Variants in GPRC5D observed in about 807,000 individuals in gnomAD.
GPRC5D encodes G protein-coupled receptor family C group 5 member D.
GPRC5D carries 20 observed loss-of-function variants against 29.3 expected under a neutral mutation model. The ratio of observed to expected loss-of-function variants is 0.68; its 90% CI spans 0.48 to 0.99. GPRC5D has a LOEUF of 0.99. Ranked by LOEUF, GPRC5D falls within the 50% of genes least tolerant of loss-of-function variation. GPRC5D has a pLI of 0.00. For synonymous variants in GPRC5D, 178 were observed against 171.3 expected, an observed-to-expected ratio of 1.04 and a Z score of -0.30; for missense variants, 384 against 423.6, an observed-to-expected ratio of 0.91 and a Z score of 0.82.
intron 2 of GPRC5D, among the ~76,000 whole-genome samples, chr12:12,942,033 A>AT (rs1157509744): frequency 6.6e-6 from 1 of 152,184 alleles, no homozygotes; most frequent in Admixed American, 6.5e-5. Context: ...TCAGAATGCT[A>AT]TATTGTTGAT....
exon 1 of GPRC5D, chr12:12,950,091 A>T: frequency 6.2e-7 from 1 of 1,614,132 alleles, no homozygotes; most frequent in Non-Finnish European, 8.5e-7. Flanking sequence ...GAGCAAAGAG[A>T]ACCCCAAAGA....
intron 1 of GPRC5D, among the ~76,000 whole-genome samples, chr12:12,944,879 TTC>T (rs780974472): frequency 1.6e-5 from 2 of 125,854 alleles, no homozygotes; most frequent in East Asian, 4.7e-4. Context: ...CTTTCTTTCT[TTC>T]TTTCTTTCTT....
At chr12:12,951,429 A>G (rs1863493858), upstream of GPRC5D, among the ~76,000 whole-genome samples, 1 of 152,232 alleles carries the variant, frequency 6.6e-6, no homozygotes, top group Non-Finnish European at 1.5e-5. Context: ...AAATGCCATC[A>G]CACATATTAC....
chr12:12,949,956 A>G, exon 1 of GPRC5D: 2 of 1,613,992 alleles, frequency 1.2e-6, no homozygotes, highest in Non-Finnish European at 1.7e-6. Flanking sequence ...ACTCAGTGGC[A>G]ATAATGATTT....
chr12:12,948,556 GAAATA>G (rs374620250), intron 1 of GPRC5D: 73 of 154,412 alleles, frequency 4.7e-4, no homozygotes, highest in African/African-American at 1.3e-3. Flanking sequence ...TTACATATTA[GAAATA>G]AAATGTGAGA....
chr12:12,946,788 T>A (rs1863360640), intron 1 of GPRC5D, among the ~76,000 whole-genome samples: 1 of 152,104 alleles, frequency 6.6e-6, no homozygotes, highest in Non-Finnish European at 1.5e-5. Flanking sequence ...GGATCCCTTG[T>A]CCTACTCTCC....
At chr12:12,949,912 A>G in exon 1 of GPRC5D, 1 of 1,614,020 alleles carries the variant, frequency 6.2e-7, no homozygotes, top group Non-Finnish European at 8.5e-7. Flanking sequence ...CATATTCACA[A>G]ACATCATACC....
intron 1 of GPRC5D, among the ~76,000 whole-genome samples, chr12:12,944,979 CTCTCTCTCTCTT>C (rs1225097776): frequency 4.8e-5 from 7 of 145,120 alleles, no homozygotes; most frequent in Non-Finnish European, 7.5e-5. Context: ...TTTTCTTTTT[CTCTCTCTCTCTT>C]TCTCTCTCTC....
rs368934325 is a variant in GPRC5D at position 12,942,197 on chromosome 12, G to A, written c.963+64C>T. ...TAAAGCCATTAGAAATGAAGCCTGA[G>A]GCTGTCCTAAGGAAGGAATGCTTGC... On this transcript the variant is annotated intron_variant, in intron 2 of 2. Transcript: ENST00000228887. 128 of 1,012,762 alleles carry A rather than the reference G, an allele frequency of 1.3e-4. 3 individuals are homozygous for A. The African/African-American group carries it at 1.5e-3, about 12-fold the overall frequency. 62.7% of individuals were successfully genotyped at this position (1,012,762 alleles called of 1,614,324 possible). A position where few individuals can be genotyped will look rare whatever the true frequency, so the allele number is the denominator to read the frequency against.
intron 1 of GPRC5D, among the ~76,000 whole-genome samples, chr12:12,943,930 C>T (rs1284441192): frequency 2.0e-5 from 3 of 152,256 alleles, no homozygotes; most frequent in East Asian, 1.9e-4. Flanking sequence ...TAAGACCTTC[C>T]ATTTATCTGT....
At chr12:12,952,075 G>A (rs905417468), upstream of GPRC5D, 3 of 152,226 alleles carry the variant, frequency 2.0e-5, no homozygotes, top group Admixed American at 6.5e-5. Context: ...CAGGTTTACA[G>A]CTGAGAACAT....
rs1392526226 is a variant in GPRC5D, at chr12:12,946,425, TCTTTC to T, written c.895+3060_895+3064del. The stretch of plus-strand genomic sequence containing the variant: ...CTTCTTCTCTCTCTTTCTCTCTCTC[TCTTTC>T]TCTCTTTCTCTCTCTCTCTCTCTCT... On this transcript the variant is annotated intron_variant, in intron 1 of 2. Transcript: ENST00000228887. Among the ~76,000 whole-genome samples the T allele has an allele frequency of 2.1e-4, 12 of 56,302 alleles. No individual in the cohort carries two copies. The East Asian group carries it at 4.6e-3, about 22-fold the overall frequency. 36.9% of individuals were successfully genotyped at this position (56,302 alleles called of 152,430 possible). A position where few individuals can be genotyped will look rare whatever the true frequency, so the allele number is the denominator to read the frequency against.
exon 1 of GPRC5D, chr12:12,949,589 A>G (rs764549003): frequency 3.8e-5 from 62 of 1,614,028 alleles, no homozygotes; most frequent in Non-Finnish European, 5.1e-5. Context: ...CACGATCTGT[A>G]GAGAATGCAG....
At chr12:12,942,413 G>T in intron 1 of GPRC5D, 85 bp from the exon 3 acceptor site, 2 of 844,352 alleles carry the variant, frequency 2.4e-6, no homozygotes, top group Non-Finnish European at 4.1e-6. Flanking sequence ...AAACTCCATG[G>T]CTTGCAAACA....
chr12:12,946,343 TTC>T (rs1555109914), intron 1 of GPRC5D, among the ~76,000 whole-genome samples: 4 of 150,232 alleles, frequency 2.7e-5, no homozygotes, highest in African/African-American at 9.9e-5. Flanking sequence ...CTTTCTTTCT[TTC>T]TTTCTTTCTT....
chr12:12,950,269 A>G (rs1388582104), exon 1 of GPRC5D: 1 of 1,613,916 alleles, frequency 6.2e-7, no homozygotes, highest in African/African-American at 1.3e-5. Context: ...TAAGAGTAGC[A>G]GAATTGTGAC....
intron 2 of GPRC5D, 73 bp downstream of exon 3, chr12:12,942,188 G>T: frequency 1.1e-6 from 1 of 948,078 alleles, no homozygotes; most frequent in Non-Finnish European, 1.7e-6. Context: ...CATTAGAAAT[G>T]AAGCCTGAGG....
intron 1 of GPRC5D, among the ~76,000 whole-genome samples, chr12:12,946,309 TTTTCTTTC>T (rs745322553): frequency 1.2e-3 from 45 of 37,700 alleles, no homozygotes; most frequent in Middle Eastern, 0.013. Flanking sequence ...CCTTCCTTCC[TTTTCTTTC>T]TTTCTTTCTT....
exon 3 of GPRC5D, chr12:12,940,790 A>G (rs1377651700): frequency 6.2e-7 from 1 of 1,603,468 alleles, no homozygotes; most frequent in South Asian, 1.1e-5. Flanking sequence ...CTCCTCCTGC[A>G]TCTTGCTGGG....
Sources: gnomAD v4.1 joint callset for allele counts (sites outside exome capture counted in the v4.1 genomes callset) on GRCh38, gnomAD v4.1.1 for gene constraint, MANE v1.5 for transcripts, NCBI Gene and HGNC (gene_info 2026-07-23, HGNC 2026-07-21) for gene names.